Variants in FARSB observed in about 807,000 individuals in gnomAD.
The protein encoded by FARSB is phenylalanine--tRNA ligase beta subunit.
A neutral mutation model predicts 69.6 loss-of-function variants in FARSB; 40 were observed. That is an observed-to-expected ratio of 0.57 (90% CI 0.45 to 0.75). The LOEUF (loss-of-function observed/expected upper bound fraction) is 0.75, where lower values mean the gene tolerates loss of function less well. FARSB is among the 30% of genes least tolerant of loss of function. FARSB has a pLI of 0.00. For missense variants in FARSB, 632 were observed against 722.9 expected, an observed-to-expected ratio of 0.87 and a Z score of 1.44; for synonymous variants, 235 against 247.2, an observed-to-expected ratio of 0.95 and a Z score of 0.46.
chr2:222,606,805 C>G (rs924926742), intron 15 of FARSB, among the ~76,000 whole-genome samples: 17 of 152,194 alleles, frequency 1.1e-4, no homozygotes, highest in African/African-American at 3.9e-4. Context: ...TGTTATCATA[C>G]ATGGCACAGA....
chr2:222,594,643 G>C (rs1381895944), intron 16 of FARSB, among the ~76,000 whole-genome samples: 1 of 152,102 alleles, frequency 6.6e-6, no homozygotes, highest in Non-Finnish European at 1.5e-5. Context: ...AAGGCCCTTA[G>C]TGGAGAGATT....
At chr2:222,616,290 TA>T (rs568920820) in intron 14 of FARSB, among the ~76,000 whole-genome samples, 19 of 148,508 alleles carry the variant, frequency 1.3e-4, no homozygotes, top group Admixed American at 5.4e-4. Flanking sequence ...CTCAAACTGT[TA>T]AAAAAAAAAA....
chr2:222,602,940 T>C (rs756079946), intron 15 of FARSB, among the ~76,000 whole-genome samples: 10 of 152,096 alleles, frequency 6.6e-5, no homozygotes, highest in Non-Finnish European at 2.9e-5. Context: ...ATTAGACATA[T>C]TGTATCTATA....
At chr2:222,594,220 G>A (rs988803710) in intron 16 of FARSB, among the ~76,000 whole-genome samples, 2 of 151,776 alleles carry the variant, frequency 1.3e-5, no homozygotes, top group African/African-American at 2.4e-5. Flanking sequence ...TCTAGCCTGG[G>A]CAACACAGCA....
At chr2:222,574,726 A>G (rs2106174098) in intron 16 of FARSB, among the ~76,000 whole-genome samples, 1 of 152,358 alleles carries the variant, frequency 6.6e-6, no homozygotes, top group South Asian at 2.1e-4. Flanking sequence ...GAAAAATGAA[A>G]AAATGGCAAG....
intron 16 of FARSB, among the ~76,000 whole-genome samples, chr2:222,590,179 G>A (rs1485197693): frequency 6.6e-6 from 1 of 152,130 alleles, no homozygotes; most frequent in Admixed American, 6.5e-5. Flanking sequence ...GGAATACTAT[G>A]CAGCCATAAA....
At chr2:222,578,809 C>G (rs1689897800) in intron 16 of FARSB, among the ~76,000 whole-genome samples, 1 of 151,528 alleles carries the variant, frequency 6.6e-6, no homozygotes, top group Non-Finnish European at 1.5e-5. Context: ...GAAACCCCAT[C>G]TCTACTAAAA....
At chr2:222,574,511 C>T (rs1320201412) in intron 16 of FARSB, among the ~76,000 whole-genome samples, 2 of 152,198 alleles carry the variant, frequency 1.3e-5, no homozygotes, top group South Asian at 4.1e-4. Context: ...ATGGAGCTGA[C>T]AGCACATACA....
intron 16 of FARSB, among the ~76,000 whole-genome samples, chr2:222,579,018 T>C (rs759349917): frequency 5.3e-5 from 8 of 151,860 alleles, no homozygotes; most frequent in Non-Finnish European, 8.8e-5. Flanking sequence ...AATAATGAAA[T>C]TGCAAAAACA....
chr2:222,629,558 A>C (rs1691364893), intron 9 of FARSB, among the ~76,000 whole-genome samples: 2 of 152,290 alleles, frequency 1.3e-5, no homozygotes, highest in South Asian at 4.1e-4. Context: ...TGCCTCCATG[A>C]AGCCTTCTCA....
chr2:222,578,104 T>C (rs966174136), intron 16 of FARSB, among the ~76,000 whole-genome samples: 8 of 152,208 alleles, frequency 5.3e-5, no homozygotes, highest in African/African-American at 1.7e-4. Flanking sequence ...TGTTCTTAAA[T>C]AATGCCATCA....
chr2:222,629,317 T>C (rs951549203), intron 9 of FARSB, among the ~76,000 whole-genome samples: 1 of 152,224 alleles, frequency 6.6e-6, no homozygotes, highest in African/African-American at 2.4e-5. Flanking sequence ...TTTTCAATTA[T>C]ATTAATATTC....
chr2:222,631,769 G>A (rs1691431952), intron 7 of FARSB, 95 bp from the exon 8 acceptor site: 1 of 790,620 alleles, frequency 1.3e-6, no homozygotes, highest in African/African-American at 1.8e-5. Context: ...CATTTTAAAT[G>A]TAAAACATAT....
chr2:222,629,142 C>T (rs1054268420), intron 9 of FARSB, among the ~76,000 whole-genome samples: 1 of 152,078 alleles, frequency 6.6e-6, no homozygotes, highest in Non-Finnish European at 1.5e-5. Flanking sequence ...GCAAAGCATG[C>T]ATCCGACAGG....
chr2:222,592,390 G>A (rs538345304), intron 16 of FARSB, among the ~76,000 whole-genome samples: 1 of 152,072 alleles, frequency 6.6e-6, no homozygotes, highest in Non-Finnish European at 1.5e-5. Context: ...CATGTTCTAG[G>A]AATTCCCAGG....
At chr2:222,590,371 G>A (rs987556030) in intron 16 of FARSB, among the ~76,000 whole-genome samples, 1 of 152,040 alleles carries the variant, frequency 6.6e-6, no homozygotes, top group African/African-American at 2.4e-5. Context: ...GTCATGGGGT[G>A]GGGGAAGGGG....
chr2:222,604,669 A>G (rs746432694), intron 15 of FARSB, among the ~76,000 whole-genome samples: 1 of 149,646 alleles, frequency 6.7e-6, no homozygotes, highest in Non-Finnish European at 1.5e-5. Context: ...GATCCTCCCA[A>G]CTCAGCCTCC....
At chr2:222,586,067 T>G (rs919428563) in intron 16 of FARSB, among the ~76,000 whole-genome samples, 5 of 152,062 alleles carry the variant, frequency 3.3e-5, no homozygotes, top group African/African-American at 1.2e-4. Flanking sequence ...ATTGTCAGAT[T>G]CACCAAGGGT....
intron 2 of FARSB, 103 bp downstream of exon 2, chr2:222,648,636 AC>A: frequency 1.3e-6 from 1 of 789,254 alleles, no homozygotes; most frequent in African/African-American, 1.7e-5. Flanking sequence ...AAACATTATC[AC>A]CTTAGTCTAA....
Sources: allele counts gnomAD v4.1 joint callset (sites outside exome capture counted in the v4.1 genomes callset), GRCh38; gene constraint gnomAD v4.1.1; transcripts MANE v1.5; gene names NCBI Gene and HGNC (gene_info 2026-07-23, HGNC 2026-07-21).